The following PCDH9 variants were observed in gnomAD, a reference collection of about 807,000 sequenced individuals.
The protein encoded by PCDH9 is protocadherin-9.
In PCDH9, 24 loss-of-function variants were observed where a neutral mutation model predicts 70.6. The ratio of observed to expected loss-of-function variants is 0.34; its 90% confidence interval spans 0.25 to 0.48. The LOEUF (loss-of-function observed/expected upper bound fraction) is 0.48, where lower values mean the gene tolerates loss of function less well. Among genes scored for constraint, PCDH9 ranks in the 20% least tolerant of loss-of-function variants. The pLI is 0.99. For missense variants in PCDH9, 1,281 were observed against 1,503.6 expected (o/e 0.85, Z 2.45); for synonymous variants, 562 against 558.5 (o/e 1.01, Z -0.09).
chr13:66,747,067 C>T (rs2079378325), intron 3 of PCDH9, among the ~76,000 whole-genome samples: 1 of 152,132 alleles, frequency 6.6e-6, no homozygotes, highest in Non-Finnish European at 1.5e-5. Context: ...TGTGACATGA[C>T]CTGGCTGGGC....
intron 3 of PCDH9, among the ~76,000 whole-genome samples, chr13:66,761,337 T>A (rs2079623983): frequency 6.6e-6 from 1 of 152,160 alleles, no homozygotes; most frequent in African/African-American, 2.4e-5. Context: ...GTTGAAATAT[T>A]GGGGGCTGGC....
At chr13:66,609,587 T>C (rs2077265409) in intron 4 of PCDH9, among the ~76,000 whole-genome samples, 1 of 152,118 alleles carries the variant, frequency 6.6e-6, no homozygotes, top group African/African-American at 2.4e-5. Context: ...TTGGCATATA[T>C]AAAGCAGATT....
rs371048293 is a variant in PCDH9, at chr13:66,539,734, T to C, written c.3340+91476A>G. Reference sequence around the variant, plus strand: ...GATAAACATACTTGCATTATTTTTGTAAACACAAAAAGCTTAACATTTACA... The same window carrying C: ...GATAAACATACTTGCATTATTTTTGCAAACACAAAAAGCTTAACATTTACA... On this transcript the variant is annotated intron_variant, in intron 4 of 4. Coordinates refer to ENST00000377865, the MANE Select transcript of PCDH9 (RefSeq NM_203487.3). Among the ~76,000 whole-genome samples the C allele has an allele frequency of 2.4e-4, 37 of 152,248 alleles. 1 individual carries two copies. In the South Asian group the frequency reaches 7.5e-3, roughly 31 times the overall value.
At chr13:66,997,445 G>A (rs1156487104) in intron 2 of PCDH9, among the ~76,000 whole-genome samples, 1 of 152,156 alleles carries the variant, frequency 6.6e-6, no homozygotes, top group African/African-American at 2.4e-5. Context: ...AGCCATTCAT[G>A]AGAGATGCAC....
chr13:66,461,242 A>G (rs1958419193), intron 4 of PCDH9, among the ~76,000 whole-genome samples: 1 of 151,890 alleles, frequency 6.6e-6, no homozygotes, highest in Non-Finnish European at 1.5e-5. Flanking sequence ...TACAAATCAC[A>G]TTTGTTACAT....
chr13:66,592,677 T>G (rs900049326), intron 4 of PCDH9, among the ~76,000 whole-genome samples: 3 of 151,730 alleles, frequency 2.0e-5, no homozygotes, highest in Non-Finnish European at 4.4e-5. Flanking sequence ...CTTTTCTCAT[T>G]TTATCTATGT....
At chr13:66,654,350 G>A (rs2077897664) in intron 3 of PCDH9, among the ~76,000 whole-genome samples, 1 of 151,914 alleles carries the variant, frequency 6.6e-6, no homozygotes. Context: ...ACATGGGGAT[G>A]GTTAATGGGT....
intron 2 of PCDH9, among the ~76,000 whole-genome samples, chr13:67,129,491 G>A (rs544459233): frequency 1.4e-4 from 21 of 152,026 alleles, no homozygotes; most frequent in South Asian, 1.0e-3. Context: ...CAGGATTTTT[G>A]GGCCTTTTTG....
intron 4 of PCDH9, among the ~76,000 whole-genome samples, chr13:66,504,375 G>A (rs1205004200): frequency 1.3e-5 from 2 of 151,932 alleles, no homozygotes; most frequent in Non-Finnish European, 2.9e-5. Context: ...CCCTTCAAAG[G>A]ATGAACTCTA....
chr13:67,163,379 T>C lies in PCDH9; in HGVS notation c.3036+62026A>G, dbSNP rs183331737. Among the ~76,000 whole-genome samples the C allele has an allele frequency of 2.7e-3, 406 of 152,340 alleles. 2 individuals are homozygous for C. The highest frequency in any genetic ancestry group is 9.4e-3 in the African/African-American group (393 of 41,588). On this transcript the variant is annotated intron_variant, in intron 2 of 4. Transcript: ENST00000377865. ...CAGTTCTTTGAGAAGATAGATCAGG[T>C]ATTTTAACCTCATTTGTCAAACAAA... is the stretch of plus-strand genomic sequence containing the variant.
At chr13:66,587,394 G>GA (rs994111308) in intron 4 of PCDH9, among the ~76,000 whole-genome samples, 8 of 150,296 alleles carry the variant, frequency 5.3e-5, no homozygotes, top group Admixed American at 1.3e-4. Flanking sequence ...ATATTAAATA[G>GA]AAAAAAAAAG....
intron 1 of PCDH9, among the ~76,000 whole-genome samples, chr13:67,229,399 G>A (rs1304901963): frequency 6.6e-6 from 1 of 151,854 alleles, no homozygotes; most frequent in Non-Finnish European, 1.5e-5. Flanking sequence ...ACATAAAAGA[G>A]AAAAAAAATG....
At chr13:66,462,506 C>A (rs986964418) in intron 4 of PCDH9, among the ~76,000 whole-genome samples, 6 of 151,772 alleles carry the variant, frequency 4.0e-5, no homozygotes, top group Non-Finnish European at 8.8e-5. Context: ...TCTTTGTCTA[C>A]AACAATGGTT....
chr13:66,850,933 A>G (rs892102087), intron 3 of PCDH9, among the ~76,000 whole-genome samples: 6 of 152,226 alleles, frequency 3.9e-5, no homozygotes, highest in Non-Finnish European at 7.4e-5. Flanking sequence ...GTGTACTTAC[A>G]GACAAGCTAG....
intron 3 of PCDH9, among the ~76,000 whole-genome samples, chr13:66,783,018 A>G (rs556915751): frequency 2.3e-4 from 35 of 152,316 alleles, no homozygotes; most frequent in Non-Finnish European, 4.1e-4. Context: ...GCAGGTCTAC[A>G]GCTAGAATCA....
chr13:67,196,891 A>G (rs570738676), intron 2 of PCDH9, among the ~76,000 whole-genome samples: 1 of 152,166 alleles, frequency 6.6e-6, no homozygotes, highest in African/African-American at 2.4e-5. Context: ...ACATTATTTC[A>G]TGTGAAATTA....
At chr13:66,681,759 T>C (rs532567989) in intron 3 of PCDH9, among the ~76,000 whole-genome samples, 1 of 152,122 alleles carries the variant, frequency 6.6e-6, no homozygotes, top group East Asian at 1.9e-4. Context: ...TCCAACATCA[T>C]CTCTGCTGTA....
chr13:66,381,085 G>A (rs1238580779), intron 4 of PCDH9, among the ~76,000 whole-genome samples: 1 of 152,158 alleles, frequency 6.6e-6, no homozygotes, highest in Non-Finnish European at 1.5e-5. Flanking sequence ...GAAGAAGAGA[G>A]TTTGAAATTA....
intron 4 of PCDH9, among the ~76,000 whole-genome samples, chr13:66,604,856 T>C (rs771619486): frequency 4.6e-5 from 7 of 151,984 alleles, no homozygotes; most frequent in Admixed American, 1.3e-4. Context: ...GTGGGGACAA[T>C]AGCTACATCA....
Sources: gnomAD v4.1 joint callset for allele counts (sites outside exome capture counted in the v4.1 genomes callset) on GRCh38, gnomAD v4.1.1 for gene constraint, MANE v1.5 for transcripts, NCBI Gene and HGNC (gene_info 2026-07-23, HGNC 2026-07-21) for gene names.